The following KMT2B variants were observed in gnomAD, a reference collection of about 807,000 sequenced individuals.
The protein encoded by KMT2B is histone-lysine N-methyltransferase 2B.
Under a neutral mutation model 255.3 loss-of-function variants are expected in KMT2B, and 22 were observed. The observed-to-expected ratio is 0.09, with a 90% confidence interval of 0.06 to 0.12. KMT2B has a LOEUF of 0.12. Ranked by LOEUF, KMT2B falls within the 10% of genes least tolerant of loss-of-function variation. The pLI is 1.00. For synonymous variants in KMT2B, 1,730 were observed against 1,498.1 expected, an observed-to-expected ratio of 1.15 and a Z score of -3.57; for missense variants, 3,149 against 3,737.0, an observed-to-expected ratio of 0.84 and a Z score of 4.10.
At position 35,727,556 on chromosome 19, in the gene KMT2B, C is replaced by T. The variant is rs1431026266; in HGVS notation, c.4236C>T (p.Gly1412=). 2 of 1,606,468 alleles carry T rather than the reference C, an allele frequency of 1.2e-6. No individual in the cohort carries two copies. Among genetic ancestry groups the T allele is most frequent in the Non-Finnish European group, 1.7e-6 (2 of 1,178,376 alleles). ...CCCTGAGCGGGGCCCTCCAGGGGGG[C>T]CTGCGCCAGGTGCTCCAGGGCCTGC... ...REALSGALQG[G]LRQVLQGLLS... Residue 1412 remains glycine, a synonymous_variant, in exon 16 of 37, where the codon GGC becomes GGT. Transcript: ENST00000420124. This position sits in a 1 kb window ranked among gnomAD's most constrained non-coding sequence, Gnocchi z 4.2.
intron 8 of KMT2B, 49 bp downstream of exon 8, chr19:35,724,056 G>A (rs1482207130): frequency 1.3e-6 from 2 of 1,510,840 alleles, no homozygotes; most frequent in African/African-American, 2.8e-5. Flanking sequence ...TTGGTCTTGT[G>A]TCTTTTGTGT....
At chr19:35,736,607 T>A in intron 30 of KMT2B, 83 bp from the exon 31 acceptor site, 1 of 1,522,502 alleles carries the variant, frequency 6.6e-7, no homozygotes, top group Middle Eastern at 1.7e-4. Flanking sequence ...GAGAGAGTGG[T>A]GTCTGCTGGG....
Position 35,720,043 on chromosome 19 carries a change from G to C in KMT2B, c.696G>C (p.Arg232Ser). The change falls in exon 3 of 37, where the codon AGG becomes AGC. Residue 232 changes from arginine to serine, a missense_variant. Transcript: ENST00000420124. ...CAGGACGGCCAGCAGGCCCCTGCAG[G>C]AGGAAGCAGCAAGCAGTAGTGGTGG... ...RPPGRPAGPC[R>S]RKQQAVVVAE... The C allele has an allele frequency of 6.2e-7, 1 of 1,611,802 alleles. No individual in the cohort carries two copies. Among genetic ancestry groups the C allele is most frequent in the Non-Finnish European group, 8.5e-7 (1 of 1,179,002 alleles).
Position 35,736,992 on chromosome 19 carries a change from G to T in KMT2B, c.7372+6G>T, listed in dbSNP as rs1456003828. 2.5e-6 allele frequency: 4 copies of T among 1,613,104 alleles called. No individual in the cohort carries two copies. In the African/African-American group the frequency reaches 4.0e-5, roughly 16 times the overall value. On this transcript the variant is annotated splice_donor_region_variant and intron_variant, in intron 32 of 36. Coordinates refer to ENST00000420124, the MANE Select transcript of KMT2B (RefSeq NM_014727.3). ...CAGACATCTCTCCTTTAGTGGTAAG[G>T]AGTGGGCCCCACAGGGGGCAGGGAG...
At chr19:35,736,513 A>G (rs1483369212) in intron 30 of KMT2B, 177 bp from the exon 31 acceptor site, 5 of 700,356 alleles carry the variant, frequency 7.1e-6, no homozygotes, top group Non-Finnish European at 1.2e-5. Context: ...AGGGGAAGAA[A>G]TGTCCATTCT....
chr19:35,723,739 G>A lies in KMT2B; in HGVS notation c.3066G>A (p.Thr1022=), dbSNP rs868639153. 2.6e-5 allele frequency: 40 copies of A among 1,532,850 alleles called. No individual in the cohort carries two copies. The highest frequency in any genetic ancestry group is 3.0e-5 in the Non-Finnish European group (34 of 1,139,634). The allele number at this position is 1,532,850 out of a possible 1,614,324, so 95.0% of individuals were successfully genotyped here. Residue 1022 remains threonine, a synonymous_variant, in exon 8 of 37, where the codon ACG becomes ACA. Transcript: ENST00000420124. This position sits in a 1 kb window ranked among gnomAD's most constrained non-coding sequence, Gnocchi z 7.5. ...KMERLAKKGR[T]IVKTLLPWDS... ...AGTCCCCTGTTCCCGCAGGCCGGAC[G>A]ATAGTGAAGACGCTGTTGCCCTGGG... is the stretch of plus-strand genomic sequence containing the variant.
At position 35,718,063 on chromosome 19, in the gene KMT2B, C is replaced by T. The variant is rs1428793461; in HGVS notation, c.45C>T (p.Ser15=). 4.1e-6 allele frequency: 4 copies of T among 986,608 alleles called. No homozygotes were observed. Among genetic ancestry groups the T allele is most frequent in the African/African-American group, 1.8e-5 (1 of 56,732 alleles). The allele number at this position is 986,608 out of a possible 1,614,324, so 61.1% of individuals were successfully genotyped here. A position where few individuals can be genotyped will look rare whatever the true frequency, so the allele number is the denominator to read the frequency against. ...AGGGSCPGPG[S]ARGRFPGRPR... Reference sequence around the variant, plus strand: ...GCGGCAGTTGCCCCGGGCCTGGCTCCGCGCGGGGCCGCTTCCCGGGCCGGC... The same window carrying T: ...GCGGCAGTTGCCCCGGGCCTGGCTCTGCGCGGGGCCGCTTCCCGGGCCGGC... Residue 15 remains serine, a synonymous_variant, in exon 1 of 37, where the codon TCC becomes TCT. Transcript: ENST00000420124. The surrounding 1 kb of genome is among the most constrained non-coding windows in gnomAD (Gnocchi z 5.0).
At position 35,724,670 on chromosome 19, in the gene KMT2B, G is replaced by A. The variant is rs1969361893; in HGVS notation, c.3368G>A (p.Arg1123Gln). The change falls in exon 9 of 37, where the codon CGG (arginine) becomes CAG (glutamine). Residue 1123 changes from arginine (R) to glutamine (Q), a missense_variant. Transcript: ENST00000420124. Reference protein sequence around the residue: ...LPLPEPEEQSRPRKPTLQPVL... With the variant: ...LPLPEPEEQSQPRKPTLQPVL... ...CTGCCAGAACCTGAGGAGCAGAGCC[G>A]GCCCCGCAAACCTACCCTGCAGCCT... 8 of 1,602,702 alleles carry A rather than the reference G, an allele frequency of 5.0e-6. No homozygotes were observed. Among genetic ancestry groups the A allele is most frequent in the Non-Finnish European group, 6.0e-6 (7 of 1,175,064 alleles).
chr19:35,724,982 T>A lies in KMT2B; in HGVS notation c.3430-7T>A. ...CAGCTCTGAATTCCCCCACCTTTCC[T>A]CCCCAGGATGCTTTGGCCCCTGGCC... On this transcript the variant is annotated splice_polypyrimidine_tract_variant and splice_region_variant and intron_variant, in intron 9 of 36. Coordinates refer to ENST00000420124, the MANE Select transcript of KMT2B (RefSeq NM_014727.3). 1 of 1,599,628 alleles carries A rather than the reference T, an allele frequency of 6.3e-7. No homozygotes were observed. The highest frequency in any genetic ancestry group is 8.6e-7 in the Non-Finnish European group (1 of 1,166,842).
intron 30 of KMT2B, 121 bp from the exon 31 acceptor site, chr19:35,736,569 C>G: frequency 2.5e-6 from 3 of 1,198,600 alleles, no homozygotes; most frequent in Non-Finnish European, 3.5e-6. Flanking sequence ...CCATTAGACC[C>G]TAGTATCTGT....
chr19:35,725,877 A>G lies in KMT2B; in HGVS notation c.3885+59A>G. On this transcript the variant is annotated intron_variant, in intron 13 of 36. Transcript: ENST00000420124. This position sits in a 1 kb window ranked among gnomAD's most constrained non-coding sequence, Gnocchi z 4.1. ...CTAATGAATATCACCACCACCCCCAAACTTGCTCTAGGCTGGGGCTCTCAG... is the reference window on the plus strand; with the variant it reads ...CTAATGAATATCACCACCACCCCCAGACTTGCTCTAGGCTGGGGCTCTCAG... The G allele has an allele frequency of 1.4e-6, 2 of 1,396,604 alleles. No homozygotes were observed. The highest frequency in any genetic ancestry group is 2.0e-6 in the Non-Finnish European group (2 of 1,006,786). The allele number at this position is 1,396,604 out of a possible 1,614,324, so 86.5% of individuals were successfully genotyped here.
rs769208559 is a variant in KMT2B, at chr19:35,721,673, C to T, written c.2326C>T (p.Arg776Trp). The stretch of plus-strand genomic sequence containing the variant: ...GCAGATGCCTCCCCTGGAAAAAGCC[C>T]GGATTGCGGGCGTGGGTTCCTTGCC... ...PQQMPPLEKA[R>W]IAGVGSLPLS... The change falls in exon 3 of 37, where the codon CGG becomes TGG. Residue 776 changes from arginine (R) to tryptophan (W), a missense_variant. Arg to Trp is a moderately radical substitution (Grantham distance 101). This residue lies in a region of KMT2B where 1,188 missense variants were observed against 1,106.4 expected (regional missense o/e 1.07). Coordinates refer to ENST00000420124, the MANE Select transcript of KMT2B (RefSeq NM_014727.3). 28 of 1,612,366 alleles carry T rather than the reference C, an allele frequency of 1.7e-5. No homozygotes were observed. The highest frequency in any genetic ancestry group is 2.2e-5 in the South Asian group (2 of 90,990).
At position 35,732,209 on chromosome 19, in the gene KMT2B, C is replaced by G. The variant is rs1432966481; in HGVS notation, c.5666-6C>G. 10 of 1,585,100 alleles carry G rather than the reference C, an allele frequency of 6.3e-6. No homozygotes were observed. Among genetic ancestry groups the G allele is most frequent in the South Asian group, 5.7e-5 (5 of 87,728 alleles). ...GCTGCTGGTAACACCAACCCTCCCC[C>G]CACAGGAAGTCCATCTTCACTGACC... On this transcript the variant is annotated splice_region_variant and splice_polypyrimidine_tract_variant and intron_variant, in intron 27 of 36. Coordinates refer to ENST00000420124, the MANE Select transcript of KMT2B (RefSeq NM_014727.3).
intron 9 of KMT2B, 114 bp from the exon 10 acceptor site, chr19:35,724,874 CA>C: frequency 1.1e-6 from 1 of 932,754 alleles, no homozygotes; most frequent in South Asian, 1.8e-5. Flanking sequence ...GTCTGGAAAG[CA>C]AAGGGGTCTG....
At chr19:35,735,236 G>A (rs1480130036) in intron 30 of KMT2B, 2 of 152,334 alleles carry the variant, frequency 1.3e-5, no homozygotes, top group Non-Finnish European at 2.9e-5. Context: ...AGGGGAGGTG[G>A]GGCAGGGTGG....
Position 35,737,210 on chromosome 19 carries a change from G to A in KMT2B, c.7497G>A (p.Gln2499=), listed in dbSNP as rs772697551. 4 of 1,586,666 alleles carry A rather than the reference G, an allele frequency of 2.5e-6. No individual in the cohort carries two copies. The Admixed American group carries it at 7.2e-5, about 29-fold the overall frequency. Residue 2499 remains glutamine (Q), a synonymous_variant, in exon 33 of 37, where the codon CAG becomes CAA. Transcript: ENST00000420124. This position sits in a 1 kb window ranked among gnomAD's most constrained non-coding sequence, Gnocchi z 5.3. ...KFRYHQQGEG[Q]EEPPLNPHGA... is the part of the protein sequence containing the mutation. ...GTTACCACCAGCAGGGAGAGGGCCA[G>A]GAGGAGCCGCCCCTGAATCCCCATG...
At position 35,718,223 on chromosome 19, in the gene KMT2B, C is replaced by G; in HGVS notation, c.205C>G (p.Arg69Gly). The G allele has an allele frequency of 8.5e-6, 10 of 1,175,750 alleles. No homozygotes were observed. The highest frequency in any genetic ancestry group is 8.4e-6 in the Non-Finnish European group (8 of 947,808). The allele number at this position is 1,175,750 out of a possible 1,614,324, so 72.8% of individuals were successfully genotyped here. Residue 69 changes from arginine (R) to glycine (G), a missense_variant, in exon 1 of 37, where the codon CGT becomes GGT. By Grantham distance (125) the Arg-to-Gly change is moderately radical (BLOSUM62 -2). This residue lies in a region of KMT2B where 1,188 missense variants were observed against 1,106.4 expected (regional missense o/e 1.07). Transcript: ENST00000420124. This position sits in a 1 kb window ranked among gnomAD's most constrained non-coding sequence, Gnocchi z 5.0. ...AEPGEDTALL[R>G]LLGLRRGLRR... ...GCCCGGGGAGGACACGGCCCTGCTC[C>G]GTTTGCTGGGGCTCCGCCGGGGCCT...
Position 35,727,292 on chromosome 19 carries a change from C to T in KMT2B, c.4117+23C>T. On this transcript the variant is annotated intron_variant, in intron 15 of 36. Coordinates refer to ENST00000420124, the MANE Select transcript of KMT2B (RefSeq NM_014727.3). This position sits in a 1 kb window ranked among gnomAD's most constrained non-coding sequence, Gnocchi z 4.2. Reference sequence around the variant, plus strand: ...CAGGTGAGTCAGTGGAGCACCTGGGCTGCAGCCTCAACCCTGTGGGGACCC... The same window carrying T: ...CAGGTGAGTCAGTGGAGCACCTGGGTTGCAGCCTCAACCCTGTGGGGACCC... The T allele has an allele frequency of 6.3e-7, 1 of 1,594,482 alleles. No individual in the cohort carries two copies. The highest frequency in any genetic ancestry group is 8.6e-7 in the Non-Finnish European group (1 of 1,162,782).
At position 35,720,720 on chromosome 19, in the gene KMT2B, C is replaced by T. The variant is rs1464155022; in HGVS notation, c.1373C>T (p.Pro458Leu). ...CAAGAGGAGCAGGAGGAATCCCCTC[C>T]TCCTGTGGTCCCAGCTACGTGCTCC... ...PAQEEQEESPPPVVPATCSRK... is the reference protein window; with the variant it reads ...PAQEEQEESPLPVVPATCSRK... The change falls in exon 3 of 37, where the codon CCT (proline) becomes CTT (leucine). Residue 458 changes from proline (P) to leucine (L), a missense_variant. This residue lies in a region of KMT2B where 1,188 missense variants were observed against 1,106.4 expected (regional missense o/e 1.07). Transcript: ENST00000420124. 2.0e-6 allele frequency: 3 copies of T among 1,475,458 alleles called. No homozygotes were observed. The highest frequency in any genetic ancestry group is 2.7e-6 in the Non-Finnish European group (3 of 1,113,618). The allele number at this position is 1,475,458 out of a possible 1,614,324, so 91.4% of individuals were successfully genotyped here. A position where few individuals can be genotyped will look rare whatever the true frequency, so the allele number is the denominator to read the frequency against.
Sources: allele counts gnomAD v4.1 joint callset, GRCh38; gene constraint gnomAD v4.1.1; regional missense constraint gnomAD v4.1.1; non-coding constraint Gnocchi (gnomAD v3.1); transcripts MANE v1.5; gene names NCBI Gene and HGNC (gene_info 2026-07-23, HGNC 2026-07-21).